Variants in ARMC8 observed in about 807,000 individuals in gnomAD.
ARMC8 encodes the protein armadillo repeat-containing protein 8.
A neutral mutation model predicts 99.3 loss-of-function variants in ARMC8; 20 were observed. That is an observed-to-expected ratio of 0.20 (90% CI 0.14 to 0.29). The LOEUF (loss-of-function observed/expected upper bound fraction) is 0.29, where lower values mean the gene tolerates loss of function less well. Among genes scored for constraint, ARMC8 ranks in the 10% least tolerant of loss-of-function variants. The pLI is 1.00. For missense variants in ARMC8, 569 were observed against 809.5 expected, an observed-to-expected ratio of 0.70 and a Z score of 3.60; for synonymous variants, 263 against 278.3, an observed-to-expected ratio of 0.95 and a Z score of 0.55.
chr3:138,188,380 T>TG, intron 1 of ARMC8: 1 of 1,402,360 alleles, frequency 7.1e-7, no homozygotes, highest in Non-Finnish European at 9.5e-7. Flanking sequence ...TAAAACCTGT[T>TG]TTTTTTTTTT....
At position 138,296,143 on chromosome 3, in the gene ARMC8, ACAAT is replaced by A. The variant is rs576005111; in HGVS notation, c.*258_*261del. Reference sequence around the variant, plus strand: ...TGAGCTACTCGGACTCTTTATTAGAACAATCAATCATTTTCCTTTGGACCTACAA... The same window carrying A: ...TGAGCTACTCGGACTCTTTATTAGAACAATCATTTTCCTTTGGACCTACAA... On this transcript the variant is annotated 3_prime_UTR_variant, in exon 22 of 22. Coordinates refer to ENST00000469044, the MANE Select transcript of ARMC8 (RefSeq NM_001363941.2). 60 of 423,776 alleles carry A rather than the reference ACAAT, an allele frequency of 1.4e-4. No individual in the cohort carries two copies. The highest frequency in any genetic ancestry group is 4.0e-4 in the Admixed American group (9 of 22,778). The allele number at this position is 423,776 out of a possible 1,614,324, so 26.3% of individuals were successfully genotyped here.
At chr3:138,287,982 A>G (rs754728657) in intron 19 of ARMC8, 1 of 174,146 alleles carries the variant, frequency 5.7e-6, no homozygotes, top group Non-Finnish European at 1.2e-5. Context: ...TCAGTACATA[A>G]AGCAAAATAA....
At chr3:138,245,487 G>A in intron 12 of ARMC8, 1 of 1,276,856 alleles carries the variant, frequency 7.8e-7, no homozygotes. Context: ...ATCAATTCTA[G>A]CACTGTGAAG....
chr3:138,208,648 C>T (rs187641726), intron 1 of ARMC8, among the ~76,000 whole-genome samples: 1 of 152,010 alleles, frequency 6.6e-6, no homozygotes, highest in East Asian at 1.9e-4. Flanking sequence ...TTTCTTCCTC[C>T]CTATAAGAAC....
chr3:138,231,960 G>GTTT (rs2046060212), intron 6 of ARMC8, among the ~76,000 whole-genome samples: 4 of 65,906 alleles, frequency 6.1e-5, no homozygotes, highest in Admixed American at 2.1e-4. Context: ...CCTTGCAATT[G>GTTT]CTTTTTTTTT....
chr3:138,282,635 CAAAA>C (rs760470914), intron 18 of ARMC8, among the ~76,000 whole-genome samples: 14 of 47,520 alleles, frequency 2.9e-4, no homozygotes, highest in East Asian at 6.5e-4. Flanking sequence ...GACTCCATCT[CAAAA>C]AAAAAAAAAA....
At chr3:138,216,202 T>G (rs1032423107) in intron 2 of ARMC8, among the ~76,000 whole-genome samples, 1 of 152,094 alleles carries the variant, frequency 6.6e-6, no homozygotes, top group Non-Finnish European at 1.5e-5. Flanking sequence ...AAACTACATA[T>G]ATTCCAAAAA....
chr3:138,238,550 A>G (rs902451081), intron 9 of ARMC8: 1 of 152,208 alleles, frequency 6.6e-6, no homozygotes, highest in Non-Finnish European at 1.5e-5. Context: ...TTACTCATGT[A>G]TCGTGAATTG....
In ARMC8 at chr3:138,297,471, G is replaced by A. The variant is rs1231329269; in HGVS notation, c.*1579G>A. 6.6e-6 allele frequency: 1 copy of A among 152,222 alleles called. No individual in the cohort carries two copies. Among genetic ancestry groups the A allele is most frequent in the Non-Finnish European group, 1.5e-5 (1 of 68,054 alleles). 9.4% of individuals were successfully genotyped at this position (152,222 alleles called of 1,614,324 possible). On this transcript the variant is annotated 3_prime_UTR_variant, in exon 22 of 22. Transcript: ENST00000469044. Reference sequence around the variant, plus strand: ...GTGTGTGCCACTGATGGAGCTCCAAGCCCACCCACCAGCCACTCCTGATGG... The same window carrying A: ...GTGTGTGCCACTGATGGAGCTCCAAACCCACCCACCAGCCACTCCTGATGG...
chr3:138,214,718 G>A (rs1019946383), intron 2 of ARMC8, among the ~76,000 whole-genome samples: 1 of 152,136 alleles, frequency 6.6e-6, no homozygotes, highest in African/African-American at 2.4e-5. Flanking sequence ...GTGCAGCAGC[G>A]TGATCTCAAC....
intron 7 of ARMC8, among the ~76,000 whole-genome samples, chr3:138,236,745 A>C (rs1408681797): frequency 1.7e-4 from 26 of 152,180 alleles, no homozygotes; most frequent in Admixed American, 1.7e-3. Context: ...TAAAAAAAAA[A>C]AAAACATCTC....
chr3:138,190,966 A>T (rs146414010), intron 1 of ARMC8, among the ~76,000 whole-genome samples: 8 of 152,342 alleles, frequency 5.3e-5, no homozygotes, highest in Middle Eastern at 3.4e-3. Context: ...ATGGAGGGCA[A>T]TAGGAAGAAC....
intron 1 of ARMC8, chr3:138,187,879 G>A (rs977584442): frequency 6.1e-6 from 3 of 494,274 alleles, no homozygotes; most frequent in Non-Finnish European, 1.1e-5. Flanking sequence ...ACAACTGGCT[G>A]GGCGGCGCGG....
At chr3:138,198,511 A>G (rs2043866264) in intron 1 of ARMC8, among the ~76,000 whole-genome samples, 2 of 149,824 alleles carry the variant, frequency 1.3e-5, no homozygotes, top group Non-Finnish European at 3.0e-5. Flanking sequence ...TATTATTATT[A>G]TTATTATTAT....
At chr3:138,269,460 G>A (rs1337580902) in intron 15 of ARMC8, among the ~76,000 whole-genome samples, 2 of 152,154 alleles carry the variant, frequency 1.3e-5, no homozygotes, top group African/African-American at 2.4e-5. Flanking sequence ...GACTGTAAAA[G>A]TACAGGACTG....
chr3:138,243,265 G>A (rs541100989), intron 11 of ARMC8, among the ~76,000 whole-genome samples: 1 of 152,250 alleles, frequency 6.6e-6, no homozygotes, highest in South Asian at 2.1e-4. Context: ...TTCCATCAGA[G>A]TAAAACTGTA....
At chr3:138,210,574 G>A (rs1160162392) in intron 2 of ARMC8, among the ~76,000 whole-genome samples, 1 of 152,110 alleles carries the variant, frequency 6.6e-6, no homozygotes, top group Non-Finnish European at 1.5e-5. Flanking sequence ...TTATCATGGG[G>A]TTGGGAAATG....
intron 14 of ARMC8, 132 bp from the exon 15 acceptor site, chr3:138,267,023 T>C (rs2048348629): frequency 7.2e-6 from 4 of 556,954 alleles, no homozygotes; most frequent in Non-Finnish European, 1.2e-5. Context: ...AAGTGGATTC[T>C]TCCTATCTCT....
chr3:138,244,694 T>TG, intron 11 of ARMC8, among the ~76,000 whole-genome samples: 1 of 152,236 alleles, frequency 6.6e-6, no homozygotes, highest in Non-Finnish European at 1.5e-5. Flanking sequence ...AGCTGTAGTC[T>TG]GGGGCTAGAG....
Sources: gnomAD v4.1 joint callset for allele counts (sites outside exome capture counted in the v4.1 genomes callset) on GRCh38, gnomAD v4.1.1 for gene constraint, MANE v1.5 for transcripts, NCBI Gene and HGNC (gene_info 2026-07-23, HGNC 2026-07-21) for gene names.